Variants in ERC2 observed in about 807,000 individuals in gnomAD.
ERC2 encodes ERC protein 2.
Under a neutral mutation model 114.8 loss-of-function variants are expected in ERC2, and 42 were observed. That is an observed-to-expected ratio of 0.37 (90% CI 0.29 to 0.47). The LOEUF (loss-of-function observed/expected upper bound fraction) is 0.47. ERC2 is among the 20% of genes least tolerant of loss of function. The probability of loss-of-function intolerance (pLI) is 0.99; values close to 1 mark genes in which losing one functional copy is unlikely to be tolerated. For missense variants in ERC2, 939 were observed against 1,150.7 expected, an observed-to-expected ratio of 0.82 and a Z score of 2.66; for synonymous variants, 454 against 425.5, an observed-to-expected ratio of 1.07 and a Z score of -0.82.
chr3:56,151,211 C>T (rs1057409555), intron 4 of ERC2, among the ~76,000 whole-genome samples: 2 of 152,082 alleles, frequency 1.3e-5, no homozygotes, highest in African/African-American at 2.4e-5. Flanking sequence ...GGATTACCAG[C>T]CTGCGCCACC....
rs1157306043 is a variant in ERC2, at chr3:55,814,093, CA to C, written c.2564+74295del. Among the ~76,000 whole-genome samples the C allele has an allele frequency of 7.2e-5, 11 of 152,218 alleles. No individual in the cohort carries two copies. In the South Asian group the frequency reaches 2.3e-3, roughly 32 times the overall value. ...AACATTTTTGCAAATGCATTAGTAC[CA>C]GCAAATTGAAGATGAAACAGAATGA... On this transcript the variant is annotated intron_variant, in intron 14 of 17. Transcript: ENST00000288221.
intron 6 of ERC2, among the ~76,000 whole-genome samples, chr3:56,109,661 T>C (rs1028367455): frequency 6.6e-6 from 1 of 152,182 alleles, no homozygotes; most frequent in South Asian, 2.1e-4. Flanking sequence ...TTGGGTGTCC[T>C]GCTAAGTAAA....
chr3:55,830,518 T>A (rs938277971), intron 14 of ERC2, among the ~76,000 whole-genome samples: 1 of 152,188 alleles, frequency 6.6e-6, no homozygotes, highest in African/African-American at 2.4e-5. Flanking sequence ...TATAATACAT[T>A]TGACAAATAG....
At chr3:55,949,832 G>A (rs73086153) in intron 13 of ERC2, among the ~76,000 whole-genome samples, 43,480 of 152,082 alleles carry the variant, frequency 0.29, 7,407 homozygotes, top group Non-Finnish European at 0.35. Flanking sequence ...TACATGGGGA[G>A]CACTCCTTGG....
intron 2 of ERC2, among the ~76,000 whole-genome samples, chr3:56,327,824 A>C (rs2150444242): frequency 1.3e-5 from 2 of 152,316 alleles, no homozygotes; most frequent in South Asian, 4.1e-4. Flanking sequence ...GATGAAACTG[A>C]GTCATCCCAA....
intron 1 of ERC2, among the ~76,000 whole-genome samples, chr3:56,464,092 G>A (rs937441055): frequency 2.0e-5 from 3 of 152,048 alleles, no homozygotes; most frequent in Admixed American, 1.3e-4. Flanking sequence ...TGGGAGTGAG[G>A]GGATGAAAAT....
At chr3:56,208,720 T>C (rs1415240484) in intron 3 of ERC2, among the ~76,000 whole-genome samples, 1 of 152,178 alleles carries the variant, frequency 6.6e-6, no homozygotes, top group Non-Finnish European at 1.5e-5. Context: ...GGTGCCTCAT[T>C]AGACACAGGC....
chr3:56,179,418 A>G (rs974789340), intron 3 of ERC2, among the ~76,000 whole-genome samples: 1 of 152,192 alleles, frequency 6.6e-6, no homozygotes, highest in African/African-American at 2.4e-5. Context: ...GCAAACCATG[A>G]CATGAGGCAC....
chr3:56,131,600 C>A (rs2080202567), intron 6 of ERC2, among the ~76,000 whole-genome samples: 2 of 152,088 alleles, frequency 1.3e-5, no homozygotes, highest in African/African-American at 2.4e-5. Context: ...TTAAAAAGGA[C>A]TTTACTGCTT....
chr3:56,394,649 C>T (rs765893938), intron 2 of ERC2, among the ~76,000 whole-genome samples: 1 of 152,048 alleles, frequency 6.6e-6, no homozygotes. Flanking sequence ...GAAATGCAAA[C>T]TAAAATCACA....
intron 14 of ERC2, among the ~76,000 whole-genome samples, chr3:55,836,753 T>G (rs537147996): frequency 6.6e-6 from 1 of 152,080 alleles, no homozygotes; most frequent in African/African-American, 2.4e-5. Context: ...AATTGACAAA[T>G]GGGATCTAAT....
chr3:56,300,246 A>G (rs1057232198), intron 2 of ERC2, among the ~76,000 whole-genome samples: 1 of 151,162 alleles, frequency 6.6e-6, no homozygotes, highest in African/African-American at 2.4e-5. Context: ...TTCAATATAC[A>G]GTTACTGAGT....
intron 2 of ERC2, among the ~76,000 whole-genome samples, chr3:56,331,781 G>A (rs1056044198): frequency 6.6e-6 from 1 of 152,150 alleles, no homozygotes; most frequent in Non-Finnish European, 1.5e-5. Context: ...GTGTTTGGTA[G>A]GCATGTGGCT....
At chr3:56,220,404 A>G (rs2049824520) in intron 3 of ERC2, among the ~76,000 whole-genome samples, 2 of 152,236 alleles carry the variant, frequency 1.3e-5, no homozygotes, top group African/African-American at 4.8e-5. Context: ...ACTGCCTACA[A>G]TCAGGGTTTC....
chr3:56,321,958 C>T (rs573503777), intron 2 of ERC2, among the ~76,000 whole-genome samples: 5 of 152,264 alleles, frequency 3.3e-5, no homozygotes, highest in Non-Finnish European at 7.4e-5. Flanking sequence ...AATCTGTTAA[C>T]AAGAAATATA....
chr3:56,370,055 T>C (rs1293126851), intron 2 of ERC2, among the ~76,000 whole-genome samples: 1 of 152,168 alleles, frequency 6.6e-6, no homozygotes, highest in Non-Finnish European at 1.5e-5. Context: ...GGAATCATAT[T>C]CCAAGACTTG....
chr3:55,584,035 G>A (rs561928406), intron 17 of ERC2, among the ~76,000 whole-genome samples: 1 of 152,308 alleles, frequency 6.6e-6, no homozygotes, highest in South Asian at 2.1e-4. Flanking sequence ...TAAGCTCAGA[G>A]TTGATTCATC....
chr3:55,780,869 G>C (rs1341174112), intron 14 of ERC2, among the ~76,000 whole-genome samples: 15 of 152,178 alleles, frequency 9.9e-5, no homozygotes, highest in Admixed American at 9.8e-4. Context: ...TGATTCTGTA[G>C]CCCTGTGTTG....
chr3:56,238,398 A>G (rs2051106289), intron 3 of ERC2, among the ~76,000 whole-genome samples: 1 of 152,220 alleles, frequency 6.6e-6, no homozygotes, highest in Admixed American at 6.5e-5. Context: ...CCTGAGTCAG[A>G]CAAGTGGGGC....
Sources: gnomAD v4.1 joint callset for allele counts (sites outside exome capture counted in the v4.1 genomes callset) on GRCh38, gnomAD v4.1.1 for gene constraint, MANE v1.5 for transcripts, NCBI Gene and HGNC (gene_info 2026-07-23, HGNC 2026-07-21) for gene names.